PPIG: variants seen among roughly 807,000 people sequenced by gnomAD.
PPIG encodes the protein peptidyl-prolyl cis-trans isomerase G.
PPIG carries 26 observed loss-of-function variants against 87.9 expected under a neutral mutation model. That is an observed-to-expected ratio of 0.30 (90% CI 0.22 to 0.41). PPIG has a LOEUF of 0.41. Among genes scored for constraint, PPIG ranks in the 10% least tolerant of loss-of-function variants. PPIG has a pLI of 1.00. For synonymous variants in PPIG, 308 were observed against 276.5 expected (o/e 1.11, Z -1.13); for missense variants, 722 against 879.4 (o/e 0.82, Z 2.26).
intron 12 of PPIG, among the ~76,000 whole-genome samples, chr2:169,634,526 A>C (rs772755048): frequency 1.3e-5 from 2 of 152,078 alleles, no homozygotes; most frequent in Admixed American, 6.6e-5. Context: ...GAGTACCTCA[A>C]ACTTGGCTTT....
chr2:169,630,216 G>A (rs773172672), intron 9 of PPIG, among the ~76,000 whole-genome samples: 4 of 148,334 alleles, frequency 2.7e-5, no homozygotes, highest in Non-Finnish European at 3.0e-5. Flanking sequence ...ATGACTTTTT[G>A]TAGAGTCCCC....
chr2:169,603,738 A>G (rs1009267294), intron 2 of PPIG, 44 bp downstream of exon 2: 7 of 320,688 alleles, frequency 2.2e-5, no homozygotes, highest in South Asian at 9.5e-5. Flanking sequence ...AGTAAATACA[A>G]TTTTCTGTTT....
In PPIG at chr2:169,637,200, G is replaced by A. The variant is rs780314653; in HGVS notation, c.1942G>A (p.Glu648Lys). 5.6e-6 allele frequency: 9 copies of A among 1,613,288 alleles called. No homozygotes were observed. Among genetic ancestry groups the A allele is most frequent in the Non-Finnish European group, 7.6e-6 (9 of 1,179,906 alleles). ...AAACAAAGACAAATACAGAAACCAA[G>A]AGAGTAAGAGCTCACACAGAAAAGA... is the stretch of plus-strand genomic sequence containing the variant. ...SRNKDKYRNQ[E>K]SKSSHRKENS... Residue 648 changes from glutamate (E) to lysine (K), a missense_variant, in exon 14 of 14, where the codon GAG becomes AAG. Around this residue, in one of 4 missense-constraint regions of PPIG, gnomAD observed 476 missense variants for 483.1 expected, o/e 0.99. Transcript: ENST00000260970.
At chr2:169,632,421 C>T (rs767055314) in intron 11 of PPIG, among the ~76,000 whole-genome samples, 8 of 152,056 alleles carry the variant, frequency 5.3e-5, no homozygotes, top group Non-Finnish European at 1.2e-4. Flanking sequence ...ATCTGTAATG[C>T]TAATGGTTCT....
chr2:169,605,796 CT>C (rs940990186), intron 4 of PPIG, among the ~76,000 whole-genome samples: 1 of 151,504 alleles, frequency 6.6e-6, no homozygotes, highest in Non-Finnish European at 1.5e-5. Flanking sequence ...TAGACTCTGT[CT>C]CAAAAAAAAA....
At chr2:169,598,323 C>G (rs1358843275) in intron 1 of PPIG, among the ~76,000 whole-genome samples, 1 of 151,986 alleles carries the variant, frequency 6.6e-6, no homozygotes, top group Non-Finnish European at 1.5e-5. Flanking sequence ...GGTAGTCTTG[C>G]TCTGTCGCCC....
intron 6 of PPIG, among the ~76,000 whole-genome samples, chr2:169,607,363 G>A (rs1685361549): frequency 6.6e-6 from 1 of 151,998 alleles, no homozygotes; most frequent in African/African-American, 2.4e-5. Flanking sequence ...ATTTGAAAGG[G>A]TTTCAATGAT....
chr2:169,630,729 T>G (rs746892768), intron 9 of PPIG, 45 bp from the exon 10 acceptor site: 2 of 1,491,572 alleles, frequency 1.3e-6, no homozygotes, highest in Non-Finnish European at 1.8e-6. Flanking sequence ...TTCCACAAAG[T>G]TTGTCTAAAA....
intron 9 of PPIG, among the ~76,000 whole-genome samples, chr2:169,621,544 G>C (rs10930360): frequency 0.6 from 90,505 of 151,692 alleles, 27,627 homozygotes; most frequent in African/African-American, 0.73. Context: ...TTCTACAAAT[G>C]CAATTATTTA....
chr2:169,630,172 T>C (rs1397371337), intron 9 of PPIG, among the ~76,000 whole-genome samples: 3 of 152,054 alleles, frequency 2.0e-5, no homozygotes, highest in Non-Finnish European at 4.4e-5. Context: ...TTAAAGTTAC[T>C]GCTTCCTTAA....
chr2:169,589,612 T>C (rs956509577), intron 1 of PPIG, among the ~76,000 whole-genome samples: 2 of 152,116 alleles, frequency 1.3e-5, no homozygotes, highest in African/African-American at 2.4e-5. Context: ...AATAATCCTT[T>C]CTTTCTTGGT....
At chr2:169,606,539 C>T (rs547547142) in intron 5 of PPIG, among the ~76,000 whole-genome samples, 62 of 136,446 alleles carry the variant, frequency 4.5e-4, no homozygotes, top group Admixed American at 8.7e-4. Flanking sequence ...TTGCGGTGAG[C>T]TGAGATTGTG....
intron 1 of PPIG, among the ~76,000 whole-genome samples, chr2:169,594,653 G>T: frequency 7.9e-6 from 1 of 126,844 alleles, no homozygotes; most frequent in Non-Finnish European, 1.6e-5. Context: ...TTTTGAGACA[G>T]AGTCTCTGTC....
chr2:169,617,060 A>G (rs1422702741), intron 9 of PPIG, among the ~76,000 whole-genome samples: 1 of 152,200 alleles, frequency 6.6e-6, no homozygotes, highest in East Asian at 1.9e-4. Context: ...GAAGGGGTCC[A>G]GTTTCAGTTT....
chr2:169,610,814 A>C (rs999255785), intron 7 of PPIG, among the ~76,000 whole-genome samples: 2 of 152,206 alleles, frequency 1.3e-5, no homozygotes, highest in South Asian at 4.1e-4. Flanking sequence ...GATCATTCTT[A>C]TTCTTTTTTG....
At chr2:169,603,287 TAAAATA>T (rs1197760200) in intron 1 of PPIG, among the ~76,000 whole-genome samples, 2 of 152,114 alleles carry the variant, frequency 1.3e-5, no homozygotes, top group Non-Finnish European at 2.9e-5. Context: ...TTTAAGTCCT[TAAAATA>T]AAATGCCTTA....
chr2:169,621,440 C>T lies in PPIG; in HGVS notation c.547+6716C>T, dbSNP rs944293864. 2.6e-5 allele frequency among the ~76,000 whole-genome samples: 4 copies of T among 152,222 alleles called. No homozygotes were observed. In the East Asian group the frequency reaches 7.7e-4, roughly 29 times the overall value. On this transcript the variant is annotated intron_variant, in intron 9 of 13. Transcript: ENST00000260970. The stretch of plus-strand genomic sequence containing the variant: ...ATGGGATTTCTTGATGTACATGAGA[C>T]TGGCTATCCTTATTTACAAACAACA...
intron 1 of PPIG, among the ~76,000 whole-genome samples, chr2:169,600,432 G>A (rs1318636552): frequency 2.0e-5 from 3 of 152,254 alleles, no homozygotes; most frequent in East Asian, 3.9e-4. Context: ...TACCCAAAAT[G>A]CTTTGGACCA....
At chr2:169,627,847 T>C (rs1161569434) in intron 9 of PPIG, among the ~76,000 whole-genome samples, 1 of 152,092 alleles carries the variant, frequency 6.6e-6, no homozygotes, top group African/African-American at 2.4e-5. Flanking sequence ...TTTTTAATTG[T>C]GGGGTAAAGA....
Sources: allele counts gnomAD v4.1 joint callset (sites outside exome capture counted in the v4.1 genomes callset), GRCh38; gene constraint gnomAD v4.1.1; regional missense constraint gnomAD v4.1.1; transcripts MANE v1.5; gene names NCBI Gene and HGNC (gene_info 2026-07-23, HGNC 2026-07-21).